The following TEAD1 variants were observed in gnomAD, a reference collection of about 807,000 sequenced individuals.
The protein encoded by TEAD1 is transcriptional enhancer factor TEF-1.
In TEAD1, 9 loss-of-function variants were observed where a neutral mutation model predicts 54.9. The observed-to-expected ratio is 0.16, with a 90% CI of 0.10 to 0.29. The LOEUF (loss-of-function observed/expected upper bound fraction) is 0.29. Ranked by LOEUF, TEAD1 falls within the 10% of genes least tolerant of loss-of-function variation. The pLI is 1.00. For missense variants in TEAD1, 387 were observed against 535.9 expected (o/e 0.72, Z 2.74); for synonymous variants, 200 against 187.8 (o/e 1.07, Z -0.53).
intron 3 of TEAD1, among the ~76,000 whole-genome samples, chr11:12,782,937 G>A (rs1945588802): frequency 6.6e-6 from 1 of 152,142 alleles, no homozygotes; most frequent in Non-Finnish European, 1.5e-5. Context: ...CCCTAAAAGT[G>A]TCTAGTAAAC....
intron 5 of TEAD1, chr11:12,865,632 C>A (rs1435957824): frequency 6.6e-6 from 1 of 152,004 alleles, no homozygotes; most frequent in Non-Finnish European, 1.5e-5. Flanking sequence ...ACTTGTACCT[C>A]ATTTTTCAGT....
At chr11:12,720,687 T>C (rs981523888) in intron 2 of TEAD1, among the ~76,000 whole-genome samples, 9 of 152,210 alleles carry the variant, frequency 5.9e-5, no homozygotes, top group Admixed American at 5.2e-4. Context: ...TGCCCAATAA[T>C]TGTAACCAGC....
chr11:12,907,930 G>C (rs542775995), intron 10 of TEAD1, among the ~76,000 whole-genome samples: 1 of 152,216 alleles, frequency 6.6e-6, no homozygotes, highest in Non-Finnish European at 1.5e-5. Context: ...GGAAGCTAAT[G>C]GTGATTGCTG....
chr11:12,870,798 GTTGC>G, intron 5 of TEAD1, among the ~76,000 whole-genome samples: 1 of 152,142 alleles, frequency 6.6e-6, no homozygotes, highest in East Asian at 1.9e-4. Flanking sequence ...GGGCAGGAGG[GTTGC>G]TTGAACTTGG....
chr11:12,711,394 C>G (rs1353330371), intron 2 of TEAD1, among the ~76,000 whole-genome samples: 1 of 152,184 alleles, frequency 6.6e-6, no homozygotes, highest in East Asian at 1.9e-4. Context: ...AAGATGTTCT[C>G]TTAGTAGTCA....
At chr11:12,752,213 GT>G (rs35143229) in intron 2 of TEAD1, among the ~76,000 whole-genome samples, 2,945 of 101,026 alleles carry the variant, frequency 0.029, 29 homozygotes, top group East Asian at 0.072. Context: ...AAACAGGGCA[GT>G]TTTTTTTTTT....
At chr11:12,708,928 A>G (rs2133848711) in intron 2 of TEAD1, among the ~76,000 whole-genome samples, 1 of 152,314 alleles carries the variant, frequency 6.6e-6, no homozygotes, top group African/African-American at 2.4e-5. Flanking sequence ...TAATTTTGGG[A>G]GGAAGAATAT....
chr11:12,858,743 G>GC (rs1203184495), intron 3 of TEAD1, among the ~76,000 whole-genome samples: 1 of 152,188 alleles, frequency 6.6e-6, no homozygotes, highest in African/African-American at 2.4e-5. Context: ...ACAGCGTAAT[G>GC]CCCAGGCCAC....
chr11:12,936,517 A>T (rs1294917169), intron 12 of TEAD1, among the ~76,000 whole-genome samples: 1 of 152,200 alleles, frequency 6.6e-6, no homozygotes, highest in Non-Finnish European at 1.5e-5. Context: ...GTGAAACAAG[A>T]TTTAGCAGAA....
At chr11:12,740,766 C>T (rs1215194174) in intron 2 of TEAD1, among the ~76,000 whole-genome samples, 2 of 152,038 alleles carry the variant, frequency 1.3e-5, no homozygotes, top group Non-Finnish European at 2.9e-5. Context: ...GTCACTCCCA[C>T]GACACATGGG....
chr11:12,698,236 G>A (rs772355229), intron 2 of TEAD1, among the ~76,000 whole-genome samples: 18 of 152,102 alleles, frequency 1.2e-4, no homozygotes, highest in Non-Finnish European at 2.5e-4. Flanking sequence ...GAGGAGCCTT[G>A]CCGTGAAGCC....
Position 12,794,661 on chromosome 11 carries a change from T to C in TEAD1, c.202+30227T>C, listed in dbSNP as rs566552387. The stretch of plus-strand genomic sequence containing the variant: ...AGAGCCTCCTGGGCCAGAATGGGCC[T>C]CTGTGGCGAGCCGGGCCTGTAACTG... On this transcript the variant is annotated intron_variant, in intron 3 of 12. Transcript: ENST00000527636. Among the ~76,000 whole-genome samples the C allele has an allele frequency of 2.0e-5, 3 of 152,266 alleles. No individual in the cohort carries two copies. The East Asian group carries it at 5.8e-4, about 29-fold the overall frequency.
intron 2 of TEAD1, among the ~76,000 whole-genome samples, chr11:12,681,689 A>G (rs1046305905): frequency 2.0e-5 from 3 of 152,224 alleles, no homozygotes; most frequent in Non-Finnish European, 2.9e-5. Flanking sequence ...TGTGACCCTC[A>G]TTCACCAAAT....
chr11:12,800,542 G>T (rs191373927), intron 3 of TEAD1, among the ~76,000 whole-genome samples: 1 of 152,314 alleles, frequency 6.6e-6, no homozygotes, highest in Admixed American at 6.5e-5. Flanking sequence ...GGAGGGGGAC[G>T]CAAAGCATAT....
At chr11:12,777,139 C>T (rs1408052555) in intron 3 of TEAD1, among the ~76,000 whole-genome samples, 1 of 152,026 alleles carries the variant, frequency 6.6e-6, no homozygotes, top group African/African-American at 2.4e-5. Context: ...CTCTCCTCTC[C>T]CTCTTAGCCT....
At chr11:12,845,659 C>T (rs60080838) in intron 3 of TEAD1, among the ~76,000 whole-genome samples, 25 of 152,298 alleles carry the variant, frequency 1.6e-4, no homozygotes, top group African/African-American at 3.4e-4. Flanking sequence ...GTGTGGAAAC[C>T]GTACTGTTGT....
intron 2 of TEAD1, among the ~76,000 whole-genome samples, chr11:12,708,133 C>A (rs972465146): frequency 6.6e-6 from 1 of 151,712 alleles, no homozygotes; most frequent in Non-Finnish European, 1.5e-5. Context: ...TGCTCACTCA[C>A]AGGTGTCTCG....
intron 2 of TEAD1, among the ~76,000 whole-genome samples, chr11:12,684,616 A>T (rs570623102): frequency 2.6e-5 from 4 of 152,306 alleles, no homozygotes; most frequent in African/African-American, 9.6e-5. Flanking sequence ...CTGTGCCCGC[A>T]GTTTCCCCAT....
At position 12,847,262 on chromosome 11, in the gene TEAD1, T is replaced by C. The variant is rs146701587; in HGVS notation, c.203-14988T>C. ...CATGCAGGGCCAGAGGTTGGGAGGATGGAGTAGTTGGGAGTAGGATGTGGG... is the reference window on the plus strand; with the variant it reads ...CATGCAGGGCCAGAGGTTGGGAGGACGGAGTAGTTGGGAGTAGGATGTGGG... On this transcript the variant is annotated intron_variant, in intron 3 of 12. Coordinates refer to ENST00000527636, the MANE Select transcript of TEAD1 (RefSeq NM_021961.6). Among the ~76,000 whole-genome samples, 97 of 152,186 alleles carry C rather than the reference T, an allele frequency of 6.4e-4. 1 individual carries two copies. Among genetic ancestry groups the C allele is most frequent in the African/African-American group, 2.3e-3 (94 of 41,510 alleles).
Sources: gnomAD v4.1 joint callset for allele counts (sites outside exome capture counted in the v4.1 genomes callset) on GRCh38, gnomAD v4.1.1 for gene constraint, MANE v1.5 for transcripts, NCBI Gene and HGNC (gene_info 2026-07-23, HGNC 2026-07-21) for gene names.